ECD: variants seen among roughly 807,000 people sequenced by gnomAD.
ECD encodes ecdysoneless cell cycle regulator.
ECD carries 59 observed loss-of-function variants against 77.2 expected under a neutral mutation model. The ratio of observed to expected loss-of-function variants is 0.76; its 90% CI spans 0.62 to 0.95. The LOEUF (loss-of-function observed/expected upper bound fraction) is 0.95. ECD is among the 40% of genes least tolerant of loss of function. ECD has a pLI of 0.00. For missense variants in ECD, 704 were observed against 763.4 expected, an observed-to-expected ratio of 0.92 and a Z score of 0.92; for synonymous variants, 233 against 267.4, an observed-to-expected ratio of 0.87 and a Z score of 1.26.
intron 3 of ECD, among the ~76,000 whole-genome samples, chr10:73,157,555 C>G (rs1207381946): frequency 2.0e-5 from 3 of 151,100 alleles, no homozygotes; most frequent in Middle Eastern, 6.8e-3. Context: ...CCCGTCTCTA[C>G]TAAAAATACA....
chr10:73,146,993 T>C (rs1283135690), intron 8 of ECD, among the ~76,000 whole-genome samples: 1 of 152,048 alleles, frequency 6.6e-6, no homozygotes, highest in Non-Finnish European at 1.5e-5. Context: ...ATCTCAGTAC[T>C]TTGGGAAGCA....
chr10:73,139,769 C>T (rs370493394), intron 9 of ECD, 32 bp from the exon 10 acceptor site: 49 of 1,381,458 alleles, frequency 3.5e-5, no homozygotes, highest in Middle Eastern at 1.8e-4. Context: ...AGTATTTCTT[C>T]ATAAGAGAAC....
At chr10:73,164,032 ACT>A in intron 1 of ECD, 82 bp from the exon 2 acceptor site, 1 of 1,269,412 alleles carries the variant, frequency 7.9e-7, no homozygotes, top group South Asian at 1.4e-5. Context: ...TTCTATGAAC[ACT>A]GTTTTCTAAA....
intron 6 of ECD, among the ~76,000 whole-genome samples, chr10:73,152,993 T>G (rs1250898025): frequency 6.6e-6 from 1 of 152,008 alleles, no homozygotes; most frequent in Non-Finnish European, 1.5e-5. Context: ...ATACAGCAAT[T>G]AAATGGCTGG....
At chr10:73,145,702 A>G (rs1170152945) in intron 9 of ECD, among the ~76,000 whole-genome samples, 1 of 119,940 alleles carries the variant, frequency 8.3e-6, no homozygotes, top group African/African-American at 3.3e-5. Context: ...CTCTGTCCCC[A>G]GGTGCAATCT....
In ECD at chr10:73,163,599, G is replaced by A. The variant is rs571223640; in HGVS notation, c.205+134C>T. 2.2e-5 allele frequency: 17 copies of A among 761,416 alleles called. No individual in the cohort carries two copies. The South Asian group carries it at 2.8e-4, about 12-fold the overall frequency. The allele number at this position is 761,416 out of a possible 1,614,324, so 47.2% of individuals were successfully genotyped here. On this transcript the variant is annotated intron_variant, in intron 2 of 13. Transcript: ENST00000372979. ...TTTAAGGCTAACTGAATATAGACAA[G>A]TATTACTCATCTAAAAAGTTTAGTG... is the stretch of plus-strand genomic sequence containing the variant.
At chr10:73,156,229 A>C in intron 5 of ECD, 46 bp downstream of exon 5, 2 of 1,514,186 alleles carry the variant, frequency 1.3e-6, no homozygotes, top group South Asian at 2.7e-5. Context: ...AACTACACGA[A>C]ACCAAAAGGT....
At chr10:73,156,766 T>G (rs773996578) in intron 3 of ECD, 111 bp from the exon 4 acceptor site, 26 of 1,033,968 alleles carry the variant, frequency 2.5e-5, no homozygotes, top group Non-Finnish European at 3.6e-5. Context: ...TATTTGAGTA[T>G]GTACTATGTG....
At chr10:73,143,847 T>TTTTTA (rs753288233) in intron 9 of ECD, among the ~76,000 whole-genome samples, 1 of 150,186 alleles carries the variant, frequency 6.7e-6, no homozygotes, top group Non-Finnish European at 1.5e-5. Flanking sequence ...TTTTTTTTTT[T>TTTTTA]CACTGCATTA....
At chr10:73,145,886 G>A (rs1365443798) in intron 9 of ECD, among the ~76,000 whole-genome samples, 1 of 151,788 alleles carries the variant, frequency 6.6e-6, no homozygotes, top group Non-Finnish European at 1.5e-5. Flanking sequence ...CTCGTGATCC[G>A]CCTGCCTCGG....
At chr10:73,162,518 T>C (rs1312358902) in intron 2 of ECD, among the ~76,000 whole-genome samples, 1 of 152,254 alleles carries the variant, frequency 6.6e-6, no homozygotes, top group Non-Finnish European at 1.5e-5. Flanking sequence ...AAATATCATA[T>C]GTATTTCAAT....
intron 5 of ECD, among the ~76,000 whole-genome samples, chr10:73,155,299 C>G (rs1247930989): frequency 1.3e-5 from 2 of 152,014 alleles, no homozygotes; most frequent in Non-Finnish European, 2.9e-5. Flanking sequence ...ATCTCTTGAC[C>G]TTGTGATCCA....
At chr10:73,137,154 TAAA>T (rs112496403) in intron 12 of ECD, among the ~76,000 whole-genome samples, 1 of 151,122 alleles carries the variant, frequency 6.6e-6, no homozygotes, top group Admixed American at 6.6e-5. Context: ...AGATTTAGCT[TAAA>T]AAAAAGTGAA....
chr10:73,138,032 G>T lies in ECD; in HGVS notation c.1460C>A (p.Ser487Tyr). 1 of 1,596,820 alleles carries T rather than the reference G, an allele frequency of 6.3e-7. No homozygotes were observed. Among genetic ancestry groups the T allele is most frequent in the Non-Finnish European group, 8.5e-7 (1 of 1,174,528 alleles). ...AATCTTATCAAAATAATTAAGAAAA[G>T]AATCTGCATCAAAAGTGATTGGAGC... ...SEAPITFDADSFLNYFDKILG... is the reference protein window; with the variant it reads ...SEAPITFDADYFLNYFDKILG... The change falls in exon 12 of 14, where the codon TCT becomes TAT. Residue 487 changes from serine (S) to tyrosine (Y), a missense_variant. Ser to Tyr is a moderately radical substitution (Grantham distance 144, BLOSUM62 -2). This residue lies in a region of ECD where 559 missense variants were observed against 583.7 expected (regional missense o/e 0.96). Transcript: ENST00000372979.
chr10:73,136,901 ACTCATTAGGC>A lies in ECD; in HGVS notation c.1497_1506del (p.Arg499SerfsTer15). The A allele has an allele frequency of 6.2e-7, 1 of 1,613,502 alleles. No individual in the cohort carries two copies. The highest frequency in any genetic ancestry group is 8.5e-7 in the Non-Finnish European group (1 of 1,179,900). ...TCATCATCCAGATCATCAGAATCTG[ACTCATTAGGC>A]CTTGGCCCTACACAGATCCCAAGAA... is the stretch of plus-strand genomic sequence containing the variant. On this transcript the variant is annotated frameshift_variant, in exon 13 of 14. Coordinates refer to ENST00000372979, the MANE Select transcript of ECD (RefSeq NM_007265.3). LOFTEE classifies it high-confidence loss of function.
At chr10:73,146,492 C>T in intron 8 of ECD, 131 bp from the exon 9 acceptor site, 1 of 459,616 alleles carries the variant, frequency 2.2e-6, no homozygotes, top group Non-Finnish European at 3.8e-6. Flanking sequence ...AGTCCTAGGC[C>T]CTGTTTTATC....
intron 3 of ECD, among the ~76,000 whole-genome samples, chr10:73,158,524 T>C (rs1024919197): frequency 1.1e-4 from 17 of 151,560 alleles, no homozygotes; most frequent in Non-Finnish European, 2.2e-4. Flanking sequence ...TCACTTGAGG[T>C]CAGGAGTTTG....
At chr10:73,150,573 C>A (rs903943178) in intron 7 of ECD, among the ~76,000 whole-genome samples, 2 of 152,162 alleles carry the variant, frequency 1.3e-5, no homozygotes, top group African/African-American at 4.8e-5. Flanking sequence ...AAACTACCAT[C>A]AGGGTGAACA....
At chr10:73,135,124 T>G (rs1842961550) in intron 13 of ECD, among the ~76,000 whole-genome samples, 1 of 152,176 alleles carries the variant, frequency 6.6e-6, no homozygotes, top group South Asian at 2.1e-4. Context: ...TTATAACTTG[T>G]CTAAGAGTCT....
Sources: allele counts gnomAD v4.1 joint callset (sites outside exome capture counted in the v4.1 genomes callset), GRCh38; gene constraint gnomAD v4.1.1; regional missense constraint gnomAD v4.1.1; transcripts MANE v1.5; gene names NCBI Gene and HGNC (gene_info 2026-07-23, HGNC 2026-07-21).